ARHGAP31: variants seen among roughly 807,000 people sequenced by gnomAD.
ARHGAP31 encodes the protein rho GTPase-activating protein 31.
In ARHGAP31, 34 loss-of-function variants were observed where a neutral mutation model predicts 113.9. The ratio of observed to expected loss-of-function variants is 0.30; its 90% CI spans 0.23 to 0.40. The LOEUF is 0.40. Among genes scored for constraint, ARHGAP31 ranks in the 10% least tolerant of loss-of-function variants. The pLI is 1.00. For synonymous variants in ARHGAP31, 650 were observed against 684.8 expected, an observed-to-expected ratio of 0.95 and a Z score of 0.79; for missense variants, 1,548 against 1,767.1, an observed-to-expected ratio of 0.88 and a Z score of 2.22.
At chr3:119,368,330 A>G (rs1559981859) in intron 2 of ARHGAP31, 42 bp from the exon 3 acceptor site, 2 of 1,613,102 alleles carry the variant, frequency 1.2e-6, no homozygotes, top group Admixed American at 1.7e-5. Context: ...CATGGAACAC[A>G]CACTCCCTGG....
At chr3:119,366,725 C>T (rs2080254932) in intron 2 of ARHGAP31, among the ~76,000 whole-genome samples, 1 of 152,050 alleles carries the variant, frequency 6.6e-6, no homozygotes, top group Non-Finnish European at 1.5e-5. Flanking sequence ...CTCTAGATTG[C>T]TCTTGTTCTG....
intron 1 of ARHGAP31, among the ~76,000 whole-genome samples, chr3:119,302,388 A>G (rs937155388): frequency 6.6e-6 from 1 of 152,164 alleles, no homozygotes; most frequent in Admixed American, 6.5e-5. Flanking sequence ...TTTTTTTTGT[A>G]AGAGCAGAGT....
At chr3:119,307,179 T>C (rs2079637864) in intron 1 of ARHGAP31, among the ~76,000 whole-genome samples, 1 of 152,186 alleles carries the variant, frequency 6.6e-6, no homozygotes, top group Non-Finnish European at 1.5e-5. Flanking sequence ...TACCACATGC[T>C]AGGTTTGTGA....
chr3:119,314,195 T>G (rs913696425), intron 1 of ARHGAP31: 1 of 152,172 alleles, frequency 6.6e-6, no homozygotes, highest in Non-Finnish European at 1.5e-5. Flanking sequence ...TGTGGAACAC[T>G]CCCCTCAACT....
intron 1 of ARHGAP31, among the ~76,000 whole-genome samples, chr3:119,344,399 A>C (rs55846906): frequency 0.31 from 47,574 of 151,990 alleles, 7,642 homozygotes; most frequent in South Asian, 0.38. Flanking sequence ...CCTGTATCCC[A>C]GTCTCTTTGA....
At chr3:119,327,572 A>G (rs1424265648) in intron 1 of ARHGAP31, among the ~76,000 whole-genome samples, 1 of 152,108 alleles carries the variant, frequency 6.6e-6, no homozygotes, top group Non-Finnish European at 1.5e-5. Context: ...AAGTAAAATA[A>G]AATAAATTAC....
rs9847369 is a variant in ARHGAP31, at chr3:119,327,171, A to G, written c.100+32167A>G. Among the ~76,000 whole-genome samples, 1,494 of 152,064 alleles carry G rather than the reference A, an allele frequency of 9.8e-3. 23 individuals are homozygous for G. The highest frequency in any genetic ancestry group is 0.035 in the African/African-American group (1,435 of 41,458). On this transcript the variant is annotated intron_variant, in intron 1 of 11. Transcript: ENST00000264245. ...AGAAGCAAAACCAAAAACCACAGCA[A>G]AAAAAACTCATGGTCACTTTCTCAG... is the stretch of plus-strand genomic sequence containing the variant.
At chr3:119,314,849 AGCAGTTTAG>A (rs1479381272) in intron 1 of ARHGAP31, 1 of 152,272 alleles carries the variant, frequency 6.6e-6, no homozygotes, top group African/African-American at 2.4e-5. Context: ...ATGATTGTAC[AGCAGTTTAG>A]GCACTTGTGT....
chr3:119,336,018 C>CAA (rs112258902), intron 1 of ARHGAP31, among the ~76,000 whole-genome samples: 1 of 151,590 alleles, frequency 6.6e-6, no homozygotes, highest in African/African-American at 2.4e-5. Flanking sequence ...ACTAAAAATA[C>CAA]AAAAAAAATA....
chr3:119,387,874 C>T (rs2080466514), intron 6 of ARHGAP31, among the ~76,000 whole-genome samples: 1 of 152,264 alleles, frequency 6.6e-6, no homozygotes, highest in South Asian at 2.1e-4. Flanking sequence ...AAGAAGAAAA[C>T]ATAGCAGAGT....
chr3:119,335,005 C>T (rs543859599), intron 1 of ARHGAP31, among the ~76,000 whole-genome samples: 84 of 151,800 alleles, frequency 5.5e-4, no homozygotes, highest in African/African-American at 1.7e-3. Flanking sequence ...AGATAGTCTC[C>T]AAATTAAAAA....
At chr3:119,395,475 C>G (rs2080543148) in intron 8 of ARHGAP31, among the ~76,000 whole-genome samples, 2 of 152,232 alleles carry the variant, frequency 1.3e-5, no homozygotes, top group Admixed American at 6.5e-5. Context: ...TCAGCTTCAT[C>G]CCCAGACTGG....
chr3:119,341,014 A>G, intron 1 of ARHGAP31, among the ~76,000 whole-genome samples: 1 of 152,184 alleles, frequency 6.6e-6, no homozygotes, highest in Non-Finnish European at 1.5e-5. Flanking sequence ...GGGAAACATC[A>G]TGGGATTTTT....
At chr3:119,344,886 G>GT (rs1263400916) in intron 1 of ARHGAP31, among the ~76,000 whole-genome samples, 5 of 152,032 alleles carry the variant, frequency 3.3e-5, no homozygotes, top group South Asian at 2.1e-4. Context: ...ACCAACCATA[G>GT]TTTTTTTACC....
intron 1 of ARHGAP31, among the ~76,000 whole-genome samples, chr3:119,334,098 G>A (rs943508718): frequency 3.3e-5 from 5 of 152,170 alleles, no homozygotes; most frequent in Admixed American, 3.3e-4. Context: ...CCTGGAGGGG[G>A]ACTGATGCCC....
chr3:119,372,944 T>A (rs1405011261), intron 3 of ARHGAP31, among the ~76,000 whole-genome samples: 1 of 152,130 alleles, frequency 6.6e-6, no homozygotes, highest in Non-Finnish European at 1.5e-5. Context: ...TAACTTAATA[T>A]GAAATAAAGT....
chr3:119,383,480 T>C (rs1435814318), intron 6 of ARHGAP31, among the ~76,000 whole-genome samples: 1 of 152,204 alleles, frequency 6.6e-6, no homozygotes, highest in Non-Finnish European at 1.5e-5. Context: ...CCTGTGAATG[T>C]GGTATGGTGA....
chr3:119,366,536 C>T (rs1038033624), intron 2 of ARHGAP31, among the ~76,000 whole-genome samples: 1 of 152,014 alleles, frequency 6.6e-6, no homozygotes, highest in East Asian at 1.9e-4. Context: ...TTTACTAGTA[C>T]TCCATTTATT....
Position 119,380,910 on chromosome 3 carries a change from G to T in ARHGAP31, c.355G>T (p.Val119Leu). Residue 119 changes from valine to leucine, a missense_variant, in exon 4 of 12, where the codon GTG becomes TTG. Val to Leu is a conservative substitution (Grantham distance 32, BLOSUM62 1). Coordinates refer to ENST00000264245, the MANE Select transcript of ARHGAP31 (RefSeq NM_020754.4). The stretch of plus-strand genomic sequence containing the variant: ...CTTGTGTTCTTCTCCACAGGAGGCA[G>T]TGTCGCATTGCCCTGAAGAAGGCCA... The part of the protein sequence containing the change: ...YELYEKFTEA[V>L]SHCPEEGQLA... 1 of 1,614,106 alleles carries T rather than the reference G, an allele frequency of 6.2e-7. No homozygotes were observed. The highest frequency in any genetic ancestry group is 8.5e-7 in the Non-Finnish European group (1 of 1,179,944).
Sources: allele counts gnomAD v4.1 joint callset (sites outside exome capture counted in the v4.1 genomes callset), GRCh38; gene constraint gnomAD v4.1.1; transcripts MANE v1.5; gene names NCBI Gene and HGNC (gene_info 2026-07-23, HGNC 2026-07-21).